Variants in CA11 observed in about 807,000 individuals in gnomAD.
CA11 encodes the protein carbonic anhydrase 11 (inactive).
In CA11, 20 loss-of-function variants were observed where a neutral mutation model predicts 39.3. The ratio of observed to expected loss-of-function variants is 0.51; its 90% CI spans 0.36 to 0.74. The LOEUF (loss-of-function observed/expected upper bound fraction) is 0.74, where lower values mean the gene tolerates loss of function less well. Among genes scored for constraint, CA11 ranks in the 30% least tolerant of loss-of-function variants. The pLI, the probability that CA11 is intolerant of heterozygous loss-of-function variation, is 0.00. For missense variants in CA11, 336 were observed against 424.6 expected, an observed-to-expected ratio of 0.79 and a Z score of 1.83; for synonymous variants, 166 against 172.5, an observed-to-expected ratio of 0.96 and a Z score of 0.29.
rs202060707 is a variant in CA11, at chr19:48,638,993, C to G, written c.856G>C (p.Gly286Arg). The G allele has an allele frequency of 5.0e-6, 8 of 1,613,818 alleles. No individual in the cohort carries two copies. In the Admixed American group the frequency reaches 6.7e-5, roughly 13 times the overall value. Residue 286 changes from glycine (G) to arginine (R), a missense_variant, in exon 8 of 9, where the codon GGT (glycine) becomes CGT (arginine). Transcript: ENST00000084798. The stretch of plus-strand genomic sequence containing the variant: ...AAGGGCTGCAGGGGCCGGCTGTTAC[C>G]GCTGAGGCTCTGGAAGATCTGAGAT... The part of the protein sequence containing the change: ...PPSQIFQSLS[G>R]NSRPLQPLAH...
rs896879397 is a variant in CA11 at position 48,643,612 on chromosome 19, A to C, written c.285+815T>G. On this transcript the variant is annotated intron_variant, in intron 3 of 8. Coordinates refer to ENST00000084798, the MANE Select transcript of CA11 (RefSeq NM_001217.5). The surrounding 1 kb of genome is among the most constrained non-coding windows in gnomAD (Gnocchi z 4.3). ...GCCACTGCACTCCAGCCTGGGTCAC[A>C]GAGTGAGATCCCAATTCCAAAAAAA... 6.6e-6 allele frequency among the ~76,000 whole-genome samples: 1 copy of C among 151,522 alleles called. No individual in the cohort carries two copies. Among genetic ancestry groups the C allele is most frequent in the African/African-American group, 2.4e-5 (1 of 41,268 alleles).
At chr19:48,641,258 G>C (rs907808298) in intron 3 of CA11, among the ~76,000 whole-genome samples, 4 of 152,222 alleles carry the variant, frequency 2.6e-5, no homozygotes, top group African/African-American at 9.6e-5. Context: ...GGGGTTACAG[G>C]CGTGAGCCAC....
chr19:48,644,505 G>C lies in CA11; in HGVS notation c.207C>G (p.Ser69Arg), dbSNP rs1351364401. 2 of 1,611,664 alleles carry C rather than the reference G, an allele frequency of 1.2e-6. No individual in the cohort carries two copies. Among genetic ancestry groups the C allele is most frequent in the African/African-American group, 1.3e-5 (1 of 74,884 alleles). Residue 69 changes from serine to arginine, a missense_variant, in exon 3 of 9, where the codon AGC (serine) becomes AGG (arginine). Physicochemically the swap from Ser to Arg is moderately radical, Grantham distance 110. Coordinates refer to ENST00000084798, the MANE Select transcript of CA11 (RefSeq NM_001217.5). ...WSLCAVGKRQ[S>R]PVDVELKRVL... ...CCCTCTTCAGCTCCACATCCACGGG[G>C]CTCTGCCGCTTCCCCACAGCACACA...
Position 48,644,571 on chromosome 19 carries a change from T to TG in CA11, c.143-3dup, listed in dbSNP as rs35082547. On this transcript the variant is annotated splice_region_variant and splice_polypyrimidine_tract_variant and intron_variant, in intron 2 of 8. Coordinates refer to ENST00000084798, the MANE Select transcript of CA11 (RefSeq NM_001217.5). ...TCACCAGGCCCCAGAAAGGAGGCCC[T>TG]GGGGGTGGGGTCGGAGTAGGAGGAC... 6.3e-7 allele frequency: 1 copy of TG among 1,580,902 alleles called. No homozygotes were observed. The highest frequency in any genetic ancestry group is 8.6e-7 in the Non-Finnish European group (1 of 1,161,662).
Position 48,639,290 on chromosome 19 carries a change from C to G in CA11, c.795+15G>C, listed in dbSNP as rs200825270. On this transcript the variant is annotated intron_variant, in intron 7 of 8. Transcript: ENST00000084798. ...GTACCCAGGCCTAGGAAGGGCGGTG[C>G]GGACAGAGGGTCACCTGAAGGGAGG... 6.2e-7 allele frequency: 1 copy of G among 1,611,884 alleles called. No individual in the cohort carries two copies.
chr19:48,640,102 G>A lies in CA11; in HGVS notation c.464C>T (p.Ser155Phe). 2 of 1,613,250 alleles carry A rather than the reference G, an allele frequency of 1.2e-6. No homozygotes were observed. The highest frequency in any genetic ancestry group is 1.7e-6 in the Non-Finnish European group (2 of 1,179,390). The stretch of plus-strand genomic sequence containing the variant: ...ACAATCAGTGGCCACTACCTCAGCA[G>A]AGAAGCCCTGGTGGTTGATCTGATG... ...SEHQINHQGF[S>F]AEVQLIHFNQ... The change falls in exon 4 of 9, where the codon TCT becomes TTT. Residue 155 changes from serine (S) to phenylalanine (F), a missense_variant. Ser to Phe is a radical substitution (Grantham distance 155, BLOSUM62 -2). Transcript: ENST00000084798.
chr19:48,638,091 G>A lies in CA11; in HGVS notation c.*28C>T, dbSNP rs1488517509. ...CTCGCCTTGTGGGGAGGCTTAGGAC[G>A]GGCGGGTGCAATCCTCGAAGGGGAG... On this transcript the variant is annotated 3_prime_UTR_variant, in exon 9 of 9. Transcript: ENST00000084798. The A allele has an allele frequency of 1.4e-6, 2 of 1,452,708 alleles. No individual in the cohort carries two copies. Among genetic ancestry groups the A allele is most frequent in the Non-Finnish European group, 1.8e-6 (2 of 1,100,462 alleles). The allele number at this position is 1,452,708 out of a possible 1,614,324, so 90.0% of individuals were successfully genotyped here. A position where few individuals can be genotyped will look rare whatever the true frequency, so the allele number is the denominator to read the frequency against.
chr19:48,639,291 G>A lies in CA11; in HGVS notation c.795+14C>T, dbSNP rs532709332. Reference sequence around the variant, plus strand: ...TACCCAGGCCTAGGAAGGGCGGTGCGGACAGAGGGTCACCTGAAGGGAGGT... The same window carrying A: ...TACCCAGGCCTAGGAAGGGCGGTGCAGACAGAGGGTCACCTGAAGGGAGGT... On this transcript the variant is annotated intron_variant, in intron 7 of 8. Coordinates refer to ENST00000084798, the MANE Select transcript of CA11 (RefSeq NM_001217.5). 84 of 1,612,606 alleles carry A rather than the reference G, an allele frequency of 5.2e-5. 1 individual carries two copies. In the Admixed American group the frequency reaches 1.3e-3, roughly 26 times the overall value.
intron 3 of CA11, among the ~76,000 whole-genome samples, chr19:48,642,563 A>G (rs2031121049): frequency 2.6e-5 from 4 of 152,230 alleles, no homozygotes; most frequent in Admixed American, 2.6e-4. Context: ...AGAATGCCAA[A>G]CATATAGTAA....
At position 48,643,138 on chromosome 19, in the gene CA11, CCCTT is replaced by C. The variant is rs911318467; in HGVS notation, c.285+1285_285+1288del. On this transcript the variant is annotated intron_variant, in intron 3 of 8. Transcript: ENST00000084798. The surrounding 1 kb of genome is among the most constrained non-coding windows in gnomAD (Gnocchi z 4.3). Reference sequence around the variant, plus strand: ...GGCTTCTTCCTTCCTTTCCTTCCTTCCCTTCCTTCCTTCCTTCTCTCTTTCTCTC... The same window carrying C: ...GGCTTCTTCCTTCCTTTCCTTCCTTCCCTTCCTTCCTTCTCTCTTTCTCTC... Among the ~76,000 whole-genome samples, 50 of 151,572 alleles carry C rather than the reference CCCTT, an allele frequency of 3.3e-4. No homozygotes were observed. Among genetic ancestry groups the C allele is most frequent in the Non-Finnish European group, 5.0e-4 (34 of 67,858 alleles).
Position 48,639,330 on chromosome 19 carries a change from C to T in CA11, c.770G>A (p.Arg257Gln), listed in dbSNP as rs759552086. The T allele has an allele frequency of 7.4e-6, 12 of 1,613,410 alleles. No individual in the cohort carries two copies. The highest frequency in any genetic ancestry group is 6.6e-5 in the South Asian group (6 of 91,042). Residue 257 changes from arginine to glutamine, a missense_variant, in exon 7 of 9, where the codon CGG becomes CAG. Coordinates refer to ENST00000084798, the MANE Select transcript of CA11 (RefSeq NM_001217.5). ...SETVTWILID[R>Q]ALNITSLQMH... ...CTGAAGGGAGGTGATATTGAGGGCC[C>T]GGTCAATGAGGATCCAGGTGACAGT...
rs754982944 is a variant in CA11, at chr19:48,639,620, A to G, written c.569T>C (p.Val190Ala). 18 of 1,613,634 alleles carry G rather than the reference A, an allele frequency of 1.1e-5. No homozygotes were observed. The highest frequency in any genetic ancestry group is 1.5e-5 in the Non-Finnish European group (18 of 1,179,888). Residue 190 changes from valine (V) to alanine (A), a missense_variant and splice_region_variant, in exon 6 of 9, where the codon GTT (valine) becomes GCT (alanine). By Grantham distance (64) the Val-to-Ala change is moderately conservative. Transcript: ENST00000084798. ...GLAILSLFVN[V>A]ASTSNPFLSR... ...GAGGAATGGGTTAGAGGTACTGGCAACCTGTGTGGGGGTACGAGGTGAGGA... is the reference window on the plus strand; with the variant it reads ...GAGGAATGGGTTAGAGGTACTGGCAGCCTGTGTGGGGGTACGAGGTGAGGA...
intron 7 of CA11, 57 bp from the exon 8 acceptor site, chr19:48,639,110 T>C: frequency 6.2e-7 from 1 of 1,602,322 alleles, no homozygotes; most frequent in East Asian, 2.2e-5. Flanking sequence ...CTTGGTGACG[T>C]CACGCAGGAA....
Position 48,639,474 on chromosome 19 carries a change from G to C in CA11, c.641-15C>G. ...GTAGGCATCATCTGCGGGAATATCA[G>C]GCCAGAGTAAAGAGGGATGGCACTC... On this transcript the variant is annotated splice_polypyrimidine_tract_variant and intron_variant, in intron 6 of 8. Coordinates refer to ENST00000084798, the MANE Select transcript of CA11 (RefSeq NM_001217.5). 6.2e-7 allele frequency: 1 copy of C among 1,613,988 alleles called. No individual in the cohort carries two copies. The highest frequency in any genetic ancestry group is 2.2e-5 in the East Asian group (1 of 44,884).
chr19:48,645,810 C>A lies in CA11; in HGVS notation c.-178G>T. ...AGGGACTGAGATCCGCCCTTCAAAC[C>A]CACTCTTCTTCTCTCTCCCGTCTCT... On this transcript the variant is annotated 5_prime_UTR_variant, in exon 1 of 9. Transcript: ENST00000084798. 3.6e-6 allele frequency: 2 copies of A among 552,958 alleles called. No individual in the cohort carries two copies. Among genetic ancestry groups the A allele is most frequent in the Non-Finnish European group, 6.3e-6 (2 of 315,944 alleles). The allele number at this position is 552,958 out of a possible 1,614,324, so 34.3% of individuals were successfully genotyped here. A position where few individuals can be genotyped will look rare whatever the true frequency, so the allele number is the denominator to read the frequency against.
chr19:48,645,431 C>A lies in CA11; in HGVS notation c.114G>T (p.Lys38Asn). 1 of 1,599,054 alleles carries A rather than the reference C, an allele frequency of 6.3e-7. No individual in the cohort carries two copies. Residue 38 changes from lysine (K) to asparagine (N), a missense_variant, in exon 2 of 9, where the codon AAG becomes AAT. Lys to Asn is a moderately conservative substitution (Grantham distance 94, BLOSUM62 0). Transcript: ENST00000084798. ...APDPEDWWSY[K>N]DNLQGNFVPG... ...GCACGAAGTTTCCCTGGAGATTATC[C>A]TTGTAGCTCCACCAGTCCTCGGGGT... is the stretch of plus-strand genomic sequence containing the variant.
At chr19:48,641,827 T>C (rs983559064) in intron 3 of CA11, among the ~76,000 whole-genome samples, 62 of 146,340 alleles carry the variant, frequency 4.2e-4, no homozygotes, top group African/African-American at 1.3e-3. Context: ...AATTTTCTTT[T>C]TTTTTTTTTT....
rs1260914723 is a variant in CA11 at position 48,642,091 on chromosome 19, C to A, written c.286-1811G>T. On this transcript the variant is annotated intron_variant, in intron 3 of 8. Transcript: ENST00000084798. ...GCCCTGAGGTGGCCTGTTTGAGTAACAGCAAAGAGACTTCATCAAAGTCCA... is the reference window on the plus strand; with the variant it reads ...GCCCTGAGGTGGCCTGTTTGAGTAAAAGCAAAGAGACTTCATCAAAGTCCA... Among the ~76,000 whole-genome samples, 4 of 152,278 alleles carry A rather than the reference C, an allele frequency of 2.6e-5. No individual in the cohort carries two copies. In the East Asian group the frequency reaches 7.7e-4, roughly 29 times the overall value.
rs941154439 is a variant in CA11 at position 48,641,524 on chromosome 19, C to T, written c.286-1244G>A. Among the ~76,000 whole-genome samples the T allele has an allele frequency of 6.6e-5, 10 of 152,278 alleles. No homozygotes were observed. In the East Asian group the frequency reaches 1.9e-3, roughly 29 times the overall value. On this transcript the variant is annotated intron_variant, in intron 3 of 8. Coordinates refer to ENST00000084798, the MANE Select transcript of CA11 (RefSeq NM_001217.5). Reference sequence around the variant, plus strand: ...CAATTGTGAATCACATAAGTAACTGCTTAATTAACTACATCCTGAGCTCAT... The same window carrying T: ...CAATTGTGAATCACATAAGTAACTGTTTAATTAACTACATCCTGAGCTCAT...
Sources: allele counts gnomAD v4.1 joint callset (sites outside exome capture counted in the v4.1 genomes callset), GRCh38; gene constraint gnomAD v4.1.1; non-coding constraint Gnocchi (gnomAD v3.1); transcripts MANE v1.5; gene names NCBI Gene and HGNC (gene_info 2026-07-23, HGNC 2026-07-21).